Variants in CEP112 observed in about 807,000 individuals in gnomAD.
The protein encoded by CEP112 is centrosomal protein of 112 kDa.
CEP112 carries 127 observed loss-of-function variants against 153.0 expected under a neutral mutation model. The observed-to-expected ratio is 0.83, with a 90% confidence interval of 0.72 to 0.96. The LOEUF is 0.96. Among genes scored for constraint, CEP112 ranks in the 40% least tolerant of loss-of-function variants. CEP112 has a pLI of 0.00. For synonymous variants in CEP112, 358 were observed against 374.4 expected (o/e 0.96, Z 0.51); for missense variants, 1,089 against 1,101.2 (o/e 0.99, Z 0.16).
At chr17:65,827,880 T>C (rs2056905132) in intron 21 of CEP112, among the ~76,000 whole-genome samples, 2 of 152,234 alleles carry the variant, frequency 1.3e-5, no homozygotes, top group South Asian at 2.1e-4. Flanking sequence ...CCTTCAAATT[T>C]GTTTGAATGT....
intron 6 of CEP112, among the ~76,000 whole-genome samples, chr17:66,107,032 A>G (rs2068812656): frequency 6.6e-6 from 1 of 152,168 alleles, no homozygotes; most frequent in African/African-American, 2.4e-5. Flanking sequence ...CAACACAATG[A>G]AGGGCAAAAA....
intron 17 of CEP112, among the ~76,000 whole-genome samples, chr17:65,987,199 T>C (rs1436927059): frequency 6.6e-6 from 1 of 152,036 alleles, no homozygotes; most frequent in African/African-American, 2.4e-5. Context: ...TCTTAAGAAT[T>C]AGCTAAGACA....
intron 17 of CEP112, among the ~76,000 whole-genome samples, chr17:65,965,561 C>T (rs1364170629): frequency 1.5e-5 from 2 of 137,542 alleles, no homozygotes; most frequent in South Asian, 2.4e-4. Flanking sequence ...ATTGCTCTGT[C>T]GCCCAGGCTG....
At chr17:65,964,054 A>T (rs1297247530) in intron 17 of CEP112, among the ~76,000 whole-genome samples, 1 of 152,192 alleles carries the variant, frequency 6.6e-6, no homozygotes, top group Non-Finnish European at 1.5e-5. Context: ...GAGGCATGCC[A>T]CATGTGGCTC....
At chr17:66,027,869 T>C (rs1598155165) in intron 15 of CEP112, among the ~76,000 whole-genome samples, 1 of 152,068 alleles carries the variant, frequency 6.6e-6, no homozygotes, top group East Asian at 1.9e-4. Flanking sequence ...AATGATAAAT[T>C]TGAAGTTACA....
At chr17:65,807,606 T>C (rs2055688673) in intron 21 of CEP112, among the ~76,000 whole-genome samples, 1 of 152,212 alleles carries the variant, frequency 6.6e-6, no homozygotes, top group African/African-American at 2.4e-5. Context: ...CATGGCACCC[T>C]GTATCCCAGC....
intron 16 of CEP112, among the ~76,000 whole-genome samples, chr17:66,015,755 C>G (rs1387102559): frequency 6.6e-6 from 1 of 152,152 alleles, no homozygotes; most frequent in African/African-American, 2.4e-5. Flanking sequence ...TGAGTTTTAG[C>G]TGATAAAGAG....
At chr17:66,121,179 G>C (rs987108360) in intron 6 of CEP112, among the ~76,000 whole-genome samples, 2 of 152,196 alleles carry the variant, frequency 1.3e-5, no homozygotes, top group Non-Finnish European at 2.9e-5. Context: ...GGGAGGCTGA[G>C]GCAGGAGAAT....
intron 24 of CEP112, among the ~76,000 whole-genome samples, chr17:65,669,726 A>AC: frequency 6.6e-6 from 1 of 152,170 alleles, no homozygotes; most frequent in Admixed American, 6.5e-5. Flanking sequence ...ACACGGTGAA[A>AC]CCCTGTCTCT....
chr17:66,136,249 C>T (rs772278502), intron 4 of CEP112, among the ~76,000 whole-genome samples: 3 of 152,256 alleles, frequency 2.0e-5, no homozygotes, highest in Non-Finnish European at 4.4e-5. Context: ...GACCATAGCC[C>T]CTCCCACCAG....
In CEP112 at chr17:65,786,779, T is replaced by C. The variant is rs558227302; in HGVS notation, c.2395-36055A>G. Reference sequence around the variant, plus strand: ...CTTTTTATTTTTACTAGAGATAAGGTCTCACTATGTTGCCCAGGCTGGTCT... The same window carrying C: ...CTTTTTATTTTTACTAGAGATAAGGCCTCACTATGTTGCCCAGGCTGGTCT... On this transcript the variant is annotated intron_variant, in intron 21 of 26. Coordinates refer to ENST00000535342, the MANE Select transcript of CEP112 (RefSeq NM_001199165.4). 8.5e-5 allele frequency among the ~76,000 whole-genome samples: 13 copies of C among 152,066 alleles called. No individual in the cohort carries two copies. The South Asian group carries it at 2.7e-3, about 32-fold the overall frequency.
intron 6 of CEP112, among the ~76,000 whole-genome samples, chr17:66,121,336 G>A (rs916738045): frequency 3.9e-5 from 6 of 151,992 alleles, no homozygotes; most frequent in Non-Finnish European, 8.8e-5. Context: ...GGCTAAGTGT[G>A]ACTCTTTGTA....
intron 21 of CEP112, among the ~76,000 whole-genome samples, chr17:65,835,997 G>GT (rs1410850720): frequency 1.3e-5 from 2 of 152,146 alleles, no homozygotes; most frequent in Non-Finnish European, 2.9e-5. Flanking sequence ...TTAAAGTGCA[G>GT]TTTTTTTCTT....
At chr17:66,035,295 A>G (rs1227227215) in intron 12 of CEP112, among the ~76,000 whole-genome samples, 1 of 152,000 alleles carries the variant, frequency 6.6e-6, no homozygotes, top group African/African-American at 2.4e-5. Context: ...TCATTGCCCT[A>G]TTAAATGCTG....
chr17:66,028,287 C>A (rs1184833290), intron 15 of CEP112, 26 bp downstream of exon 15: 3 of 1,360,826 alleles, frequency 2.2e-6, no homozygotes, highest in East Asian at 2.4e-5. Context: ...GACCATTGTT[C>A]TTCTGTGTAG....
At chr17:66,115,672 C>G (rs1179241989) in intron 6 of CEP112, among the ~76,000 whole-genome samples, 1 of 152,172 alleles carries the variant, frequency 6.6e-6, no homozygotes, top group Non-Finnish European at 1.5e-5. Flanking sequence ...CTTTATTTCT[C>G]CCTAGTTCCT....
intron 21 of CEP112, among the ~76,000 whole-genome samples, chr17:65,774,178 G>T (rs896897825): frequency 1.4e-4 from 22 of 152,112 alleles, no homozygotes; most frequent in Non-Finnish European, 4.4e-5. Flanking sequence ...TTGAAAGTCG[G>T]TTTTATCTCC....
At chr17:65,901,370 A>C (rs1363302981) in intron 20 of CEP112, among the ~76,000 whole-genome samples, 1 of 152,194 alleles carries the variant, frequency 6.6e-6, no homozygotes, top group Non-Finnish European at 1.5e-5. Flanking sequence ...TTTCACAGCA[A>C]TCTCAAGAGG....
chr17:66,103,534 C>A (rs754315165), intron 6 of CEP112, among the ~76,000 whole-genome samples: 3 of 151,968 alleles, frequency 2.0e-5, no homozygotes, highest in Non-Finnish European at 4.4e-5. Context: ...GATGCCAAAC[C>A]AACATATAAA....
Sources: allele counts gnomAD v4.1 joint callset (sites outside exome capture counted in the v4.1 genomes callset), GRCh38; gene constraint gnomAD v4.1.1; transcripts MANE v1.5; gene names NCBI Gene and HGNC (gene_info 2026-07-23, HGNC 2026-07-21).